The following SPMAP2L variants were observed in gnomAD, a reference collection of about 807,000 sequenced individuals.
SPMAP2L encodes the protein sperm microtubule associated protein 2-like.
the SPMAP2L span, among the ~76,000 whole-genome samples, chr4:56,543,970 ATG>A: frequency 1.7e-5 from 1 of 58,904 alleles, no homozygotes; most frequent in African/African-American, 7.8e-5. Context: ...GTGTGTGTGT[ATG>A]TGAGAGAGAG....
the SPMAP2L span, among the ~76,000 whole-genome samples, chr4:56,611,434 G>T: frequency 6.6e-6 from 1 of 152,148 alleles, no homozygotes; most frequent in African/African-American, 2.4e-5. Context: ...GGGAAAGTGT[G>T]GGAAGCGGGT....
the SPMAP2L span, among the ~76,000 whole-genome samples, chr4:56,560,500 A>G: frequency 9.9e-5 from 15 of 151,930 alleles, no homozygotes; most frequent in South Asian, 3.1e-3. Context: ...GTGACCTCCA[A>G]CTCCTGTTCC....
the SPMAP2L span, chr4:56,594,026 C>T: frequency 2.5e-6 from 4 of 1,611,192 alleles, no homozygotes; most frequent in Non-Finnish European, 3.4e-6. Flanking sequence ...CGCTCAGCGG[C>T]AGATCAATTT....
the SPMAP2L span, among the ~76,000 whole-genome samples, chr4:56,540,971 A>C: frequency 6.6e-6 from 1 of 152,224 alleles, no homozygotes; most frequent in Non-Finnish European, 1.5e-5. Flanking sequence ...ATTGGAGCAT[A>C]CATTTAGTAG....
At chr4:56,544,020 C>G in the SPMAP2L span, among the ~76,000 whole-genome samples, 4 of 151,544 alleles carry the variant, frequency 2.6e-5, no homozygotes, top group African/African-American at 7.3e-5. Flanking sequence ...GAGTCTCGCT[C>G]TCTTGCCCAG....
chr4:56,603,295 G>A, the SPMAP2L span: 2 of 1,534,264 alleles, frequency 1.3e-6, no homozygotes, highest in Non-Finnish European at 1.7e-6. Context: ...CAAAGGATCT[G>A]GGAGTTGTCA....
At chr4:56,610,409 AC>A in the SPMAP2L span, among the ~76,000 whole-genome samples, 1 of 152,202 alleles carries the variant, frequency 6.6e-6, no homozygotes, top group Non-Finnish European at 1.5e-5. Flanking sequence ...GAAGAATGAA[AC>A]TGGATCCTCA....
At chr4:56,608,502 G>C in the SPMAP2L span, among the ~76,000 whole-genome samples, 1 of 152,184 alleles carries the variant, frequency 6.6e-6, no homozygotes, top group African/African-American at 2.4e-5. Flanking sequence ...CAAGCCCAGA[G>C]TGCCAGGCCC....
chr4:56,544,973 T>C, the SPMAP2L span, among the ~76,000 whole-genome samples: 1 of 152,236 alleles, frequency 6.6e-6, no homozygotes, highest in Non-Finnish European at 1.5e-5. Flanking sequence ...CCATCGAGCC[T>C]GTCCTATACC....
the SPMAP2L span, among the ~76,000 whole-genome samples, chr4:56,544,498 GA>G: frequency 3.3e-5 from 5 of 151,966 alleles, no homozygotes; most frequent in Non-Finnish European, 7.4e-5. Flanking sequence ...CACAAATCAG[GA>G]ATAAACTTTG....
the SPMAP2L span, among the ~76,000 whole-genome samples, chr4:56,568,283 G>T: frequency 5.3e-5 from 8 of 152,198 alleles, no homozygotes; most frequent in African/African-American, 1.9e-4. Context: ...TGTTTCTAAT[G>T]ATTGATTTTT....
the SPMAP2L span, among the ~76,000 whole-genome samples, chr4:56,579,842 A>G: frequency 0.11 from 17,291 of 152,214 alleles, 1,090 homozygotes; most frequent in East Asian, 0.21. Context: ...ACCTAGATGA[A>G]ATGGACAAAT....
the SPMAP2L span, among the ~76,000 whole-genome samples, chr4:56,553,246 T>G: frequency 7.0e-6 from 1 of 143,732 alleles, no homozygotes; most frequent in Non-Finnish European, 1.5e-5. Flanking sequence ...GCTGGAGTGC[T>G]GTGGTGCAAT....
chr4:56,582,825 A>G, the SPMAP2L span, among the ~76,000 whole-genome samples: 2 of 152,240 alleles, frequency 1.3e-5, no homozygotes, highest in African/African-American at 2.4e-5. Context: ...ATGTTCATCA[A>G]TGGATATGAA....
At chr4:56,547,246 T>A in the SPMAP2L span, among the ~76,000 whole-genome samples, 1 of 147,424 alleles carries the variant, frequency 6.8e-6, no homozygotes, top group Non-Finnish European at 1.5e-5. Context: ...AATTCTCTTT[T>A]TTTTTTTTTT....
At chr4:56,577,729 G>A in the SPMAP2L span, among the ~76,000 whole-genome samples, 58 of 152,294 alleles carry the variant, frequency 3.8e-4, no homozygotes, top group Admixed American at 2.4e-3. Flanking sequence ...TTCATTGCCA[G>A]CAGACCTGCT....
At chr4:56,554,760 T>C in the SPMAP2L span, among the ~76,000 whole-genome samples, 1 of 150,536 alleles carries the variant, frequency 6.6e-6, no homozygotes, top group Admixed American at 6.6e-5. Context: ...CTGGATTTCC[T>C]CCTGTGTGTT....
the SPMAP2L span, among the ~76,000 whole-genome samples, chr4:56,543,431 AC>A: frequency 7.6e-3 from 1,162 of 152,186 alleles, 13 homozygotes; most frequent in African/African-American, 0.027. Context: ...GGTGGCTCAC[AC>A]CTGTAATCCC....
At chr4:56,542,846 A>G in the SPMAP2L span, among the ~76,000 whole-genome samples, 10 of 152,196 alleles carry the variant, frequency 6.6e-5, no homozygotes, top group East Asian at 1.9e-3. Context: ...CTTTCACCAG[A>G]TGGTTTCAAC....
Sources: gnomAD v4.1 joint callset for allele counts (sites outside exome capture counted in the v4.1 genomes callset) on GRCh38, gnomAD v4.1.1 for gene constraint, MANE v1.5 for transcripts, NCBI Gene and HGNC (gene_info 2026-07-23, HGNC 2026-07-21) for gene names.